ARB2A: variants seen among roughly 807,000 people sequenced by gnomAD.
ARB2A encodes the protein ARB2 cotranscriptional regulator A.
At chr5:94,075,695 G>A in the ARB2A span, among the ~76,000 whole-genome samples, 53 of 152,104 alleles carry the variant, frequency 3.5e-4, no homozygotes, top group African/African-American at 5.3e-4. Flanking sequence ...TTCAGTTTCC[G>A]TTCAGCAGTA....
At chr5:94,023,235 T>A in the ARB2A span, among the ~76,000 whole-genome samples, 1,036 of 152,320 alleles carry the variant, frequency 6.8e-3, 6 homozygotes, top group African/African-American at 8.2e-3. Flanking sequence ...TGTGTAATCT[T>A]ACCCTATATG....
At chr5:93,630,371 AG>A in the ARB2A span, among the ~76,000 whole-genome samples, 1 of 152,202 alleles carries the variant, frequency 6.6e-6, no homozygotes, top group Non-Finnish European at 1.5e-5. Flanking sequence ...TACCTGCATA[AG>A]ATACAAGCAA....
chr5:93,721,466 AATT>A, the ARB2A span, among the ~76,000 whole-genome samples: 1 of 152,150 alleles, frequency 6.6e-6, no homozygotes, highest in South Asian at 2.1e-4. Flanking sequence ...AAAGTTTTTA[AATT>A]ATTGATGCAC....
the ARB2A span, among the ~76,000 whole-genome samples, chr5:93,871,055 G>A: frequency 1.3e-5 from 2 of 152,186 alleles, no homozygotes; most frequent in African/African-American, 4.8e-5. Flanking sequence ...AATGAACAAA[G>A]TAAGCCTGAC....
the ARB2A span, chr5:93,740,967 T>C: frequency 1.8e-5 from 29 of 1,613,856 alleles, no homozygotes; most frequent in Middle Eastern, 1.2e-3. Context: ...CCATTTTGCA[T>C]AAGCCCAGAA....
At chr5:93,960,076 T>A in the ARB2A span, among the ~76,000 whole-genome samples, 2 of 93,578 alleles carry the variant, frequency 2.1e-5, no homozygotes, top group East Asian at 2.7e-4. Flanking sequence ...ACAAAAACTC[T>A]AGATGCCCCC....
the ARB2A span, among the ~76,000 whole-genome samples, chr5:93,928,903 G>T: frequency 6.6e-6 from 1 of 151,830 alleles, no homozygotes; most frequent in Non-Finnish European, 1.5e-5. Flanking sequence ...TACTCTTACA[G>T]CCTTCTTTAA....
chr5:93,997,642 G>A, the ARB2A span, among the ~76,000 whole-genome samples: 14,131 of 151,984 alleles, frequency 0.093, 831 homozygotes, highest in Middle Eastern at 0.17. Flanking sequence ...AGTTATGGCT[G>A]TGTAAGGAGT....
chr5:94,102,101 T>TAAAAAAAA, the ARB2A span, among the ~76,000 whole-genome samples: 1 of 114,320 alleles, frequency 8.7e-6, no homozygotes, highest in Non-Finnish European at 1.9e-5. Context: ...AATTCCAAAG[T>TAAAAAAAA]AAAAAAAAAA....
the ARB2A span, among the ~76,000 whole-genome samples, chr5:93,812,323 A>C: frequency 1.3e-5 from 2 of 152,160 alleles, no homozygotes; most frequent in Admixed American, 6.6e-5. Flanking sequence ...GAGCAGTAAC[A>C]CAATGGTAAT....
At chr5:93,919,598 C>T in the ARB2A span, among the ~76,000 whole-genome samples, 1 of 152,112 alleles carries the variant, frequency 6.6e-6, no homozygotes, top group Non-Finnish European at 1.5e-5. Flanking sequence ...TGGTCGTTAG[C>T]TTTGTAAGTT....
the ARB2A span, chr5:94,053,203 T>C: frequency 3.2e-6 from 5 of 1,579,104 alleles, no homozygotes; most frequent in South Asian, 4.6e-5. Context: ...CATTAGTTCA[T>C]CCAAATCTAT....
At chr5:93,771,871 G>T in the ARB2A span, among the ~76,000 whole-genome samples, 3 of 152,224 alleles carry the variant, frequency 2.0e-5, no homozygotes, top group African/African-American at 7.2e-5. Flanking sequence ...CTGTAAACTA[G>T]TTCAACCTTT....
chr5:93,661,123 C>T, the ARB2A span, among the ~76,000 whole-genome samples: 5 of 152,078 alleles, frequency 3.3e-5, no homozygotes, highest in African/African-American at 1.2e-4. Flanking sequence ...GACATGGCCC[C>T]TGTTTTCACA....
chr5:93,682,843 A>G, the ARB2A span: 17 of 1,349,152 alleles, frequency 1.3e-5, no homozygotes, highest in Non-Finnish European at 1.6e-5. Flanking sequence ...TTTCTTAAAG[A>G]GACTTCCTCC....
the ARB2A span, among the ~76,000 whole-genome samples, chr5:93,761,862 C>T: frequency 6.6e-6 from 1 of 152,188 alleles, no homozygotes. Context: ...ACAAAACTTC[C>T]AGAGGAACGA....
the ARB2A span, among the ~76,000 whole-genome samples, chr5:93,650,575 A>T: frequency 6.6e-6 from 1 of 152,162 alleles, no homozygotes; most frequent in Non-Finnish European, 1.5e-5. Flanking sequence ...GAGTAGAGAA[A>T]ACAGAGAATA....
At chr5:93,683,787 G>T in the ARB2A span, 6 of 1,361,212 alleles carry the variant, frequency 4.4e-6, no homozygotes, top group Non-Finnish European at 6.3e-6. Flanking sequence ...GCAGAGAACA[G>T]CCGCGCAGGA....
the ARB2A span, chr5:94,050,943 T>G: frequency 1.3e-6 from 1 of 751,652 alleles, no homozygotes; most frequent in Non-Finnish European, 2.0e-6. Flanking sequence ...TCAGAACAGT[T>G]TATCTTTTTC....
Sources: allele counts gnomAD v4.1 joint callset (sites outside exome capture counted in the v4.1 genomes callset), GRCh38; gene constraint gnomAD v4.1.1; transcripts MANE v1.5; gene names NCBI Gene and HGNC (gene_info 2026-07-23, HGNC 2026-07-21).